TMEM132B: variants seen among roughly 807,000 people sequenced by gnomAD.
TMEM132B encodes the protein transmembrane protein 132B.
In TMEM132B, 18 loss-of-function variants were observed where a neutral mutation model predicts 90.8. That is an observed-to-expected ratio of 0.20 (90% confidence interval 0.14 to 0.29). The LOEUF is 0.29. TMEM132B is among the 10% of genes least tolerant of loss of function. The probability of loss-of-function intolerance (pLI) is 1.00; values close to 1 mark genes in which losing one functional copy is unlikely to be tolerated. For missense variants in TMEM132B, 1,096 were observed against 1,326.8 expected, an observed-to-expected ratio of 0.83 and a Z score of 2.70; for synonymous variants, 504 against 523.3, an observed-to-expected ratio of 0.96 and a Z score of 0.50.
intron 1 of TMEM132B, among the ~76,000 whole-genome samples, chr12:125,241,249 G>T (rs1874057790): frequency 6.6e-6 from 1 of 152,094 alleles, no homozygotes; most frequent in Non-Finnish European, 1.5e-5. Flanking sequence ...TATAAAACAG[G>T]CATCATTCTG....
intron 4 of TMEM132B, among the ~76,000 whole-genome samples, chr12:125,568,573 T>C (rs2136821449): frequency 6.6e-6 from 1 of 152,338 alleles, no homozygotes; most frequent in East Asian, 1.9e-4. Flanking sequence ...TCTGCCGCCT[T>C]ATATTCTGTC....
At chr12:125,261,774 A>C (rs1283592672) in intron 1 of TMEM132B, among the ~76,000 whole-genome samples, 1 of 152,192 alleles carries the variant, frequency 6.6e-6, no homozygotes, top group Non-Finnish European at 1.5e-5. Context: ...GTGTCCCTGG[A>C]CACTGGCATT....
chr12:125,332,583 C>CTTTTTTTTTTT (rs201828438), intron 1 of TMEM132B, among the ~76,000 whole-genome samples: 2 of 52,364 alleles, frequency 3.8e-5, no homozygotes, highest in East Asian at 6.5e-4. Context: ...AGAGAGTTGG[C>CTTTTTTTTTTT]TTTTTTTTTT....
chr12:125,327,159 C>T (rs555478332), intron 1 of TMEM132B, among the ~76,000 whole-genome samples: 1 of 152,308 alleles, frequency 6.6e-6, no homozygotes, highest in South Asian at 2.1e-4. Flanking sequence ...TTCCCAATGG[C>T]TTCTGTCACC....
chr12:125,352,622 G>A (rs1877626436), intron 2 of TMEM132B, among the ~76,000 whole-genome samples: 1 of 152,242 alleles, frequency 6.6e-6, no homozygotes. Context: ...CTGGCAAATT[G>A]TGAGTCCTCA....
Position 125,415,501 on chromosome 12 carries a change from A to T in TMEM132B, c.960-30A>T. On this transcript the variant is annotated intron_variant, in intron 2 of 8. Transcript: ENST00000682704. This position sits in a 1 kb window ranked among gnomAD's most constrained non-coding sequence, Gnocchi z 5.3. The stretch of plus-strand genomic sequence containing the variant: ...TTTCAAACTAAAATGGTTTTATTAT[A>T]TATAATATCATTGTTTTCCCACCCC... 1.2e-6 allele frequency: 2 copies of T among 1,612,794 alleles called. No homozygotes were observed. The highest frequency in any genetic ancestry group is 1.7e-6 in the Non-Finnish European group (2 of 1,179,410).
chr12:125,604,812 G>C (rs1454937621), intron 5 of TMEM132B, among the ~76,000 whole-genome samples: 1 of 152,170 alleles, frequency 6.6e-6, no homozygotes, highest in Non-Finnish European at 1.5e-5. Context: ...GGAATGTAGT[G>C]CCTGGCACTT....
Position 125,468,411 on chromosome 12 carries a change from G to A in TMEM132B, c.1107-51028G>A, listed in dbSNP as rs150103391. ...TTTTGAAGGATGAACAGATTTTGAC[G>A]TGTGGTAATGGTAAGGGAAATAATG... On this transcript the variant is annotated intron_variant, in intron 3 of 8. Transcript: ENST00000682704. 2.6e-5 allele frequency among the ~76,000 whole-genome samples: 4 copies of A among 152,334 alleles called. No homozygotes were observed. In the East Asian group the frequency reaches 7.7e-4, roughly 29 times the overall value.
intron 5 of TMEM132B, among the ~76,000 whole-genome samples, chr12:125,601,106 A>C (rs1012052380): frequency 6.6e-6 from 1 of 152,226 alleles, no homozygotes; most frequent in Non-Finnish European, 1.5e-5. Context: ...TCAGCTCTGG[A>C]TCAAGTGGAG....
chr12:125,272,323 G>T (rs1157477764), intron 1 of TMEM132B, among the ~76,000 whole-genome samples: 4 of 152,166 alleles, frequency 2.6e-5, no homozygotes, highest in Non-Finnish European at 5.9e-5. Flanking sequence ...GATACCTTTT[G>T]GGGGGTTATT....
At chr12:125,530,198 A>C (rs1883606814) in intron 4 of TMEM132B, among the ~76,000 whole-genome samples, 1 of 152,170 alleles carries the variant, frequency 6.6e-6, no homozygotes, top group Admixed American at 6.5e-5. Context: ...ATTATTATCT[A>C]AAAACTGTTA....
chr12:125,641,659 G>A (rs950185479), intron 5 of TMEM132B, among the ~76,000 whole-genome samples: 4 of 152,122 alleles, frequency 2.6e-5, no homozygotes, highest in African/African-American at 9.7e-5. Context: ...AAAAGATGGG[G>A]CAGGTTTAAG....
At chr12:125,520,716 T>G (rs767533234) in intron 4 of TMEM132B, among the ~76,000 whole-genome samples, 4 of 152,170 alleles carry the variant, frequency 2.6e-5, no homozygotes, top group Non-Finnish European at 5.9e-5. Flanking sequence ...TATCACTGGT[T>G]GATATTTAGG....
intron 3 of TMEM132B, among the ~76,000 whole-genome samples, chr12:125,428,867 A>C (rs1467904842): frequency 6.6e-6 from 1 of 152,212 alleles, no homozygotes; most frequent in Non-Finnish European, 1.5e-5. Context: ...AGCAGTTTGC[A>C]GCCTGTAGCT....
At chr12:125,419,459 A>C (rs1186203540) in intron 3 of TMEM132B, among the ~76,000 whole-genome samples, 2 of 152,216 alleles carry the variant, frequency 1.3e-5, no homozygotes, top group Non-Finnish European at 2.9e-5. Flanking sequence ...ACTCCCTTTT[A>C]TAAAACCATC....
At chr12:125,394,966 C>G (rs1879130324) in intron 2 of TMEM132B, among the ~76,000 whole-genome samples, 1 of 152,148 alleles carries the variant, frequency 6.6e-6, no homozygotes, top group African/African-American at 2.4e-5. Context: ...GATGGGCACA[C>G]TAGAAGCCCA....
intron 4 of TMEM132B, among the ~76,000 whole-genome samples, chr12:125,531,853 A>G (rs572407646): frequency 1.3e-5 from 2 of 152,252 alleles, no homozygotes; most frequent in African/African-American, 4.8e-5. Context: ...GCTGAAAGCC[A>G]TGTGCTTTGT....
rs115704500 is a variant in TMEM132B at position 125,519,310 on chromosome 12, C to T, written c.1107-129C>T. 2.2e-3 allele frequency: 2,105 copies of T among 939,784 alleles called. 30 individuals carry two copies. The African/African-American group carries it at 0.031, about 14-fold the overall frequency. 58.2% of individuals were successfully genotyped at this position (939,784 alleles called of 1,614,324 possible). A position where few individuals can be genotyped will look rare whatever the true frequency, so the allele number is the denominator to read the frequency against. On this transcript the variant is annotated intron_variant, in intron 3 of 8. Coordinates refer to ENST00000682704, the MANE Select transcript of TMEM132B (RefSeq NM_001366854.1). Reference sequence around the variant, plus strand: ...GTGAATTAGGCTCCGACAACACTGCCGTGTGAGTTGTTGAACTTGGCAGTC... The same window carrying T: ...GTGAATTAGGCTCCGACAACACTGCTGTGTGAGTTGTTGAACTTGGCAGTC...
At chr12:125,205,365 C>T (rs1168361233) in intron 1 of TMEM132B, among the ~76,000 whole-genome samples, 1 of 151,714 alleles carries the variant, frequency 6.6e-6, no homozygotes, top group African/African-American at 2.4e-5. Flanking sequence ...ATGAGAGCTC[C>T]GTGTGTCAGG....
Sources: allele counts gnomAD v4.1 joint callset (sites outside exome capture counted in the v4.1 genomes callset), GRCh38; gene constraint gnomAD v4.1.1; non-coding constraint Gnocchi (gnomAD v3.1); transcripts MANE v1.5; gene names NCBI Gene and HGNC (gene_info 2026-07-23, HGNC 2026-07-21).